TSNARE1: variants seen among roughly 807,000 people sequenced by gnomAD.
TSNARE1 encodes t-SNARE domain containing 1, also known as t-SNARE domain-containing protein 1.
Under a neutral mutation model 62.0 loss-of-function variants are expected in TSNARE1, and 49 were observed. That is an observed-to-expected ratio of 0.79 (90% CI 0.63 to 1.00). The LOEUF is 1.00. TSNARE1 is among the 50% of genes least tolerant of loss of function. The pLI, the probability that TSNARE1 is intolerant of heterozygous loss-of-function variation, is 0.00. For synonymous variants in TSNARE1, 328 were observed against 294.4 expected, an observed-to-expected ratio of 1.11 and a Z score of -1.17; for missense variants, 755 against 700.1, an observed-to-expected ratio of 1.08 and a Z score of -0.88.
intron 12 of TSNARE1, among the ~76,000 whole-genome samples, chr8:142,245,615 C>A (rs1167993631): frequency 6.6e-6 from 1 of 152,076 alleles, no homozygotes; most frequent in Non-Finnish European, 1.5e-5. Context: ...TAAGCAAAAC[C>A]AAACAATACA....
intron 12 of TSNARE1, among the ~76,000 whole-genome samples, chr8:142,263,049 T>C (rs1818969543): frequency 6.6e-6 from 1 of 152,206 alleles, no homozygotes; most frequent in African/African-American, 2.4e-5. Context: ...TCTTTACATA[T>C]GATTGGGTGT....
intron 6 of TSNARE1, 149 bp from the exon 7 acceptor site, chr8:142,318,783 C>G (rs1828993164): frequency 3.0e-6 from 2 of 662,004 alleles, no homozygotes; most frequent in Admixed American, 2.6e-5. Context: ...GGCCGAGAGA[C>G]ACACAGAGAC....
In TSNARE1 at chr8:142,363,176, C is replaced by T. The variant is rs991391148; in HGVS notation, c.-39-8413G>A. Among the ~76,000 whole-genome samples, 7 of 152,278 alleles carry T rather than the reference C, an allele frequency of 4.6e-5. No individual in the cohort carries two copies. The East Asian group carries it at 1.2e-3, about 25-fold the overall frequency. On this transcript the variant is annotated intron_variant, in intron 1 of 13. Transcript: ENST00000524325. ...GTGCACTGGTATCTACTGGGGATGGCCCTACGGGTAGAGCCATCCCAAGAC... is the reference window on the plus strand; with the variant it reads ...GTGCACTGGTATCTACTGGGGATGGTCCTACGGGTAGAGCCATCCCAAGAC...
intron 13 of TSNARE1, among the ~76,000 whole-genome samples, chr8:142,219,395 T>C (rs1816095736): frequency 6.6e-6 from 1 of 152,156 alleles, no homozygotes; most frequent in Non-Finnish European, 1.5e-5. Context: ...CAGCTTCTAA[T>C]CCGGCCCTGC....
At chr8:142,381,816 A>G (rs1332807235) in intron 1 of TSNARE1, among the ~76,000 whole-genome samples, 3 of 152,102 alleles carry the variant, frequency 2.0e-5, no homozygotes, top group Non-Finnish European at 4.4e-5. Flanking sequence ...CCCCTAATGG[A>G]GCAGAAGACA....
At position 142,373,368 on chromosome 8, in the gene TSNARE1, G is replaced by A. The variant is rs117839031; in HGVS notation, c.-39-18605C>T. Among the ~76,000 whole-genome samples the A allele has an allele frequency of 8.4e-3, 1,282 of 152,266 alleles. 15 individuals carry two copies. The highest frequency in any genetic ancestry group is 0.014 in the Middle Eastern group (4 of 294). Reference sequence around the variant, plus strand: ...CCAGCCAGGTCTCACCCTGACTGGCGGCTGGGAGAGAGGAGGCTGGGAAAA... The same window carrying A: ...CCAGCCAGGTCTCACCCTGACTGGCAGCTGGGAGAGAGGAGGCTGGGAAAA... On this transcript the variant is annotated intron_variant, in intron 1 of 13. Coordinates refer to ENST00000524325, the MANE Select transcript of TSNARE1 (RefSeq NM_145003.5).
chr8:142,235,023 G>A (rs575501097), intron 12 of TSNARE1, among the ~76,000 whole-genome samples: 14 of 152,256 alleles, frequency 9.2e-5, no homozygotes, highest in African/African-American at 3.1e-4. Context: ...CAGAACAAAC[G>A]GAAAGAAATT....
At chr8:142,282,814 G>A (rs1821836314) in intron 11 of TSNARE1, among the ~76,000 whole-genome samples, 1 of 139,872 alleles carries the variant, frequency 7.1e-6, no homozygotes, top group African/African-American at 2.8e-5. Context: ...AGCAGAGGCG[G>A]GACCAGTGTC....
At chr8:142,399,648 A>G (rs983115237) in intron 1 of TSNARE1, among the ~76,000 whole-genome samples, 1 of 152,160 alleles carries the variant, frequency 6.6e-6, no homozygotes, top group Non-Finnish European at 1.5e-5. Flanking sequence ...TCTTGCCTTT[A>G]GTCTTTTGGT....
At chr8:142,237,687 C>T (rs1002231890) in intron 12 of TSNARE1, among the ~76,000 whole-genome samples, 1 of 152,196 alleles carries the variant, frequency 6.6e-6, no homozygotes, top group South Asian at 2.1e-4. Flanking sequence ...TCCCAGAGCT[C>T]GGACGGGCCA....
intron 7 of TSNARE1, among the ~76,000 whole-genome samples, chr8:142,316,178 G>T (rs1828500131): frequency 6.7e-6 from 1 of 148,384 alleles, no homozygotes; most frequent in Non-Finnish European, 1.5e-5. Context: ...ACCTGAGTCA[G>T]AGAATGGAGA....
At chr8:142,232,191 G>A (rs1034204463) in intron 12 of TSNARE1, among the ~76,000 whole-genome samples, 2 of 152,252 alleles carry the variant, frequency 1.3e-5, no homozygotes, top group Non-Finnish European at 2.9e-5. Flanking sequence ...CATGCTGGAG[G>A]AGCTGGTGCA....
intron 6 of TSNARE1, among the ~76,000 whole-genome samples, chr8:142,324,545 G>A (rs192199212): frequency 2.0e-5 from 3 of 152,304 alleles, no homozygotes; most frequent in South Asian, 4.1e-4. Context: ...GGAGGCTCTC[G>A]CATTTGCTTG....
intron 12 of TSNARE1, among the ~76,000 whole-genome samples, chr8:142,251,907 C>T (rs557559560): frequency 9.0e-5 from 13 of 145,132 alleles, no homozygotes; most frequent in South Asian, 2.3e-4. Context: ...ATGTACCTGC[C>T]GCCCGCGTTC....
intron 13 of TSNARE1, among the ~76,000 whole-genome samples, chr8:142,222,395 C>CTAAT: frequency 6.8e-6 from 1 of 147,336 alleles, no homozygotes; most frequent in Non-Finnish European, 1.5e-5. Context: ...CAGTCATCCA[C>CTAAT]TCACTCATTC....
At chr8:142,390,114 A>T (rs1424323572) in intron 1 of TSNARE1, among the ~76,000 whole-genome samples, 1 of 152,264 alleles carries the variant, frequency 6.6e-6, no homozygotes, top group Non-Finnish European at 1.5e-5. Context: ...TTTTTAAATG[A>T]TACAACTGTA....
At chr8:142,389,203 G>T (rs7822663) in intron 1 of TSNARE1, among the ~76,000 whole-genome samples, 27,095 of 152,108 alleles carry the variant, frequency 0.18, 2,522 homozygotes, top group East Asian at 0.24. Flanking sequence ...TCTAGATACA[G>T]AAGAATAACA....
In TSNARE1 at chr8:142,274,823, C is replaced by T. The variant is rs751139093; in HGVS notation, c.1404G>A (p.Ala468=). 7.0e-6 allele frequency: 11 copies of T among 1,580,612 alleles called. No individual in the cohort carries two copies. In the Admixed American group the frequency reaches 7.1e-5, roughly 10 times the overall value. ...CAGCCAGGAGCTGGCGGGCTGCCTC[C>T]GCATGCGAGGACGCAGCCTCAAGGC... is the stretch of plus-strand genomic sequence containing the variant. ...EASLEAASSH[A]EAARQLLAGA... Residue 468 remains alanine, a synonymous_variant, in exon 12 of 14, where the codon GCG becomes GCA. Transcript: ENST00000524325.
intron 12 of TSNARE1, among the ~76,000 whole-genome samples, chr8:142,272,447 TTCC>T (rs1563799242): frequency 2.0e-5 from 3 of 147,310 alleles, no homozygotes; most frequent in African/African-American, 7.5e-5. Flanking sequence ...TGTCTACACC[TTCC>T]TCCTTCCATC....
Sources: allele counts gnomAD v4.1 joint callset (sites outside exome capture counted in the v4.1 genomes callset), GRCh38; gene constraint gnomAD v4.1.1; transcripts MANE v1.5; gene names NCBI Gene and HGNC (gene_info 2026-07-23, HGNC 2026-07-21).